The following TCEA1 variants were observed in gnomAD, a reference collection of about 807,000 sequenced individuals.
TCEA1 encodes transcription elongation factor A1, also known as transcription elongation factor A protein 1.
A neutral mutation model predicts 43.8 loss-of-function variants in TCEA1; 21 were observed. The ratio of observed to expected loss-of-function variants is 0.48; its 90% CI spans 0.34 to 0.69. The LOEUF (loss-of-function observed/expected upper bound fraction) is 0.69, where lower values mean the gene tolerates loss of function less well. Among genes scored for constraint, TCEA1 ranks in the 30% least tolerant of loss-of-function variants. TCEA1 has a pLI of 0.01. For synonymous variants in TCEA1, 104 were observed against 117.5 expected (o/e 0.88, Z 0.75); for missense variants, 250 against 365.1 (o/e 0.68, Z 2.57).
chr8:54,010,388 C>T (rs371660395), intron 2 of TCEA1, 42 bp downstream of exon 2: 55 of 1,472,284 alleles, frequency 3.7e-5, no homozygotes, highest in Admixed American at 8.2e-5. Flanking sequence ...TATTTTATGA[C>T]GACTACCTAT....
At chr8:53,994,873 A>C (rs576760272) in intron 3 of TCEA1, among the ~76,000 whole-genome samples, 1 of 151,914 alleles carries the variant, frequency 6.6e-6, no homozygotes, top group East Asian at 1.9e-4. Flanking sequence ...TCTGTCTCAA[A>C]AAAAAAAAGA....
intron 1 of TCEA1, among the ~76,000 whole-genome samples, chr8:54,019,398 C>T (rs2129315545): frequency 6.6e-6 from 1 of 151,882 alleles, no homozygotes; most frequent in South Asian, 2.1e-4. Flanking sequence ...GTTGAAATCC[C>T]ATCTCTACTA....
At chr8:54,000,168 A>T (rs1354711404) in intron 2 of TCEA1, 118 bp from the exon 3 acceptor site, 3 of 649,128 alleles carry the variant, frequency 4.6e-6, no homozygotes, top group African/African-American at 1.8e-5. Flanking sequence ...TCAAAACTTC[A>T]ATTTTTGGAT....
At position 54,014,699 on chromosome 8, in the gene TCEA1, T is replaced by C. The variant is rs75524763; in HGVS notation, c.64-4207A>G. On this transcript the variant is annotated intron_variant, in intron 1 of 9. Coordinates refer to ENST00000521604, the MANE Select transcript of TCEA1 (RefSeq NM_006756.4). ...TATGTGCTCAGTATACTCAAGACCA[T>C]GTAGGATACGAACATCCCTCTCCTC... is the stretch of plus-strand genomic sequence containing the variant. 2.6e-5 allele frequency among the ~76,000 whole-genome samples: 4 copies of C among 152,324 alleles called. No homozygotes were observed. The East Asian group carries it at 5.8e-4, about 22-fold the overall frequency.
intron 4 of TCEA1, among the ~76,000 whole-genome samples, chr8:53,989,536 C>CT (rs1803805584): frequency 6.6e-6 from 1 of 152,122 alleles, no homozygotes; most frequent in African/African-American, 2.4e-5. Flanking sequence ...TAGTCAGTTC[C>CT]TTTTTGAAGC....
intron 7 of TCEA1, among the ~76,000 whole-genome samples, chr8:53,981,922 G>GTTT (rs1803517827): frequency 8.2e-6 from 1 of 122,228 alleles, no homozygotes; most frequent in African/African-American, 4.8e-5. Flanking sequence ...GCCCAGCTAA[G>GTTT]TTTTCTTTTT....
At chr8:53,984,611 C>A in intron 6 of TCEA1, 94 bp from the exon 7 acceptor site, 1 of 1,124,232 alleles carries the variant, frequency 8.9e-7, no homozygotes, top group Non-Finnish European at 1.2e-6. Flanking sequence ...AGGCCAGGCA[C>A]GGTGGCTCAT....
intron 8 of TCEA1, chr8:53,972,621 G>A: frequency 1.7e-6 from 1 of 596,184 alleles, no homozygotes; most frequent in Non-Finnish European, 3.3e-6. Context: ...ATATTCTTCA[G>A]AGTTTGGAAA....
intron 3 of TCEA1, among the ~76,000 whole-genome samples, chr8:53,998,188 C>T (rs1804127504): frequency 6.6e-6 from 1 of 152,184 alleles, no homozygotes; most frequent in South Asian, 2.1e-4. Flanking sequence ...CATGCCCCCA[C>T]ACATACACTA....
intron 5 of TCEA1, 121 bp downstream of exon 5, chr8:53,987,993 T>C (rs1803743174): frequency 8.1e-7 from 1 of 1,241,636 alleles, no homozygotes; most frequent in African/African-American, 1.5e-5. Context: ...CTCCCCAAGC[T>C]AAGCAGCAGT....
intron 8 of TCEA1, chr8:53,973,907 G>T: frequency 3.6e-6 from 1 of 279,608 alleles, no homozygotes. Flanking sequence ...AGGCACAGTG[G>T]CTCACGCCTA....
intron 8 of TCEA1, among the ~76,000 whole-genome samples, chr8:53,977,665 C>A (rs1256748500): frequency 6.6e-6 from 1 of 151,890 alleles, no homozygotes; most frequent in Non-Finnish European, 1.5e-5. Flanking sequence ...CAGCAGATAA[C>A]ATAGCACAAA....
At chr8:53,987,272 T>A (rs1366004463) in intron 5 of TCEA1, among the ~76,000 whole-genome samples, 2 of 152,210 alleles carry the variant, frequency 1.3e-5, no homozygotes, top group Non-Finnish European at 2.9e-5. Context: ...AAGTAACTGA[T>A]CTAGCAGGCA....
At chr8:54,011,241 AACTTTTTG>A (rs1392510820) in intron 1 of TCEA1, among the ~76,000 whole-genome samples, 1 of 152,244 alleles carries the variant, frequency 6.6e-6, no homozygotes. Context: ...TCACATTCAG[AACTTTTTG>A]ACTCAGATTC....
rs182899050 is a variant in TCEA1 at position 53,968,906 on chromosome 8, C to T, written c.898-794G>A. Among the ~76,000 whole-genome samples, 292 of 152,266 alleles carry T rather than the reference C, an allele frequency of 1.9e-3. 8 individuals are homozygous for T. Among genetic ancestry groups the T allele is most frequent in the Non-Finnish European group, 2.9e-4 (20 of 68,030 alleles). ...CCTAGACCAATGACAACTTCTGCAA[C>T]CTGAGATGGGTAGGAAATACTGTTT... On this transcript the variant is annotated intron_variant, in intron 9 of 9. Transcript: ENST00000521604.
intron 9 of TCEA1, 128 bp downstream of exon 9, chr8:53,970,264 G>A (rs1803117517): frequency 2.7e-6 from 2 of 754,540 alleles, no homozygotes; most frequent in South Asian, 1.5e-5. Flanking sequence ...TAGTCAGGGA[G>A]TACAAGAGTA....
chr8:54,021,807 T>C, intron 1 of TCEA1: 1 of 356,572 alleles, frequency 2.8e-6, no homozygotes, highest in Non-Finnish European at 5.0e-6. Context: ...CCCTAATCCC[T>C]AAATCGATTA....
intron 8 of TCEA1, among the ~76,000 whole-genome samples, chr8:53,975,601 C>T (rs1034193120): frequency 6.6e-6 from 1 of 152,082 alleles, no homozygotes; most frequent in African/African-American, 2.4e-5. Flanking sequence ...ACAGATAAAC[C>T]TTGCAGATAT....
chr8:53,970,502 T>A, intron 8 of TCEA1, 39 bp from the exon 9 acceptor site: 1 of 1,318,976 alleles, frequency 7.6e-7, no homozygotes, highest in Non-Finnish European at 1.1e-6. Context: ...TTTGCAGTAC[T>A]ATTAAAAAAC....
Sources: gnomAD v4.1 joint callset for allele counts (sites outside exome capture counted in the v4.1 genomes callset) on GRCh38, gnomAD v4.1.1 for gene constraint, MANE v1.5 for transcripts, NCBI Gene and HGNC (gene_info 2026-07-23, HGNC 2026-07-21) for gene names.